The following KPNA6 variants were observed in gnomAD, a reference collection of about 807,000 sequenced individuals.
KPNA6 encodes the protein importin subunit alpha-7.
Under a neutral mutation model 72.0 loss-of-function variants are expected in KPNA6, and 9 were observed. The ratio of observed to expected loss-of-function variants is 0.13; its 90% CI spans 0.08 to 0.22. KPNA6 has a LOEUF of 0.22. Among genes scored for constraint, KPNA6 ranks in the 10% least tolerant of loss-of-function variants. The pLI, the probability that KPNA6 is intolerant of heterozygous loss-of-function variation, is 1.00. For missense variants in KPNA6, 374 were observed against 655.7 expected, an observed-to-expected ratio of 0.57 and a Z score of 4.69; for synonymous variants, 219 against 242.1, an observed-to-expected ratio of 0.90 and a Z score of 0.89.
chr1:32,116,539 TTCTAGC>T (rs1338515222), intron 1 of KPNA6, among the ~76,000 whole-genome samples: 1 of 152,094 alleles, frequency 6.6e-6, no homozygotes, highest in Non-Finnish European at 1.5e-5. Context: ...ATGCCTGCAA[TTCTAGC>T]TATTTGGGAG....
rs772078065 is a variant in KPNA6, at chr1:32,160,722, CTG to C, written c.647+21_647+22del. On this transcript the variant is annotated intron_variant, in intron 7 of 13. Coordinates refer to ENST00000373625, the MANE Select transcript of KPNA6 (RefSeq NM_012316.5). ...TGTTAACGTGAGTAATTATAATCAT[CTG>C]TACCTGGGCGTCTACTGGGTGGCCA... 8 of 1,596,420 alleles carry C rather than the reference CTG, an allele frequency of 5.0e-6. No homozygotes were observed. The highest frequency in any genetic ancestry group is 6.9e-6 in the Non-Finnish European group (8 of 1,163,892).
chr1:32,115,679 C>T (rs1293971897), intron 1 of KPNA6, among the ~76,000 whole-genome samples: 1 of 152,178 alleles, frequency 6.6e-6, no homozygotes, highest in Non-Finnish European at 1.5e-5. Context: ...TATTCCTCAG[C>T]CTCCAAAGCC....
rs949378926 is a variant in KPNA6 at position 32,172,877 on chromosome 1, A to T, written c.*1983A>T. The T allele has an allele frequency of 1.0e-5, 4 of 390,158 alleles. No individual in the cohort carries two copies. Among genetic ancestry groups the T allele is most frequent in the African/African-American group, 8.3e-5 (4 of 48,368 alleles). 24.2% of individuals were successfully genotyped at this position (390,158 alleles called of 1,614,324 possible). ...TCTCCTTCTGGCTCAGGTGAAATCC[A>T]TGCCCTTCTGCTTATAGACCTAAAG... On this transcript the variant is annotated 3_prime_UTR_variant, in exon 14 of 14. Coordinates refer to ENST00000373625, the MANE Select transcript of KPNA6 (RefSeq NM_012316.5).
At chr1:32,153,618 CAA>C (rs1642080426) in intron 1 of KPNA6, among the ~76,000 whole-genome samples, 1 of 135,934 alleles carries the variant, frequency 7.4e-6, no homozygotes, top group Admixed American at 7.2e-5. Flanking sequence ...AATACAGAAA[CAA>C]ACATTTTTCA....
chr1:32,115,723 C>T (rs888516600), intron 1 of KPNA6, among the ~76,000 whole-genome samples: 17 of 151,936 alleles, frequency 1.1e-4, no homozygotes, highest in Non-Finnish European at 1.9e-4. Flanking sequence ...CTGAGTTTGG[C>T]CTCCACATTG....
At chr1:32,140,775 G>A (rs754390640) in intron 1 of KPNA6, among the ~76,000 whole-genome samples, 18 of 152,110 alleles carry the variant, frequency 1.2e-4, no homozygotes, top group Non-Finnish European at 2.6e-4. Context: ...TTTTTAGCTG[G>A]CAGAGTTACA....
At chr1:32,137,758 A>C (rs1337692709) in intron 1 of KPNA6, among the ~76,000 whole-genome samples, 1 of 152,170 alleles carries the variant, frequency 6.6e-6, no homozygotes, top group Non-Finnish European at 1.5e-5. Context: ...AGTAACAGAT[A>C]AAAATCAGTT....
chr1:32,158,107 A>G (rs910473727), intron 4 of KPNA6, among the ~76,000 whole-genome samples, 160 bp from the exon 5 acceptor site: 1 of 152,222 alleles, frequency 6.6e-6, no homozygotes, highest in Non-Finnish European at 1.5e-5. Context: ...TATACAGTTC[A>G]AAGACGAGTA....
At chr1:32,129,060 C>T (rs1641590041) in intron 1 of KPNA6, among the ~76,000 whole-genome samples, 1 of 152,086 alleles carries the variant, frequency 6.6e-6, no homozygotes, top group Non-Finnish European at 1.5e-5. Context: ...TCCAATGTGC[C>T]TGTTGGTGGT....
intron 1 of KPNA6, among the ~76,000 whole-genome samples, chr1:32,133,859 G>A (rs1275664904): frequency 6.6e-6 from 1 of 151,834 alleles, no homozygotes; most frequent in East Asian, 1.9e-4. Context: ...GGCAAACGTG[G>A]TGAAACCCCG....
At position 32,169,983 on chromosome 1, in the gene KPNA6, T is replaced by C; in HGVS notation, c.1346T>C (p.Leu449Pro). ...GCCCTCAATGGACTGGAGAACATCC[T>C]GCGGCTTGGAGAGCAAGAGGGCAAG... ...QVALNGLENI[L>P]RLGEQEGKRS... The change falls in exon 13 of 14, where the codon CTG becomes CCG. Residue 449 changes from leucine (L) to proline (P), a missense_variant. Transcript: ENST00000373625. The C allele has an allele frequency of 6.2e-7, 1 of 1,614,120 alleles. No homozygotes were observed. Among genetic ancestry groups the C allele is most frequent in the Non-Finnish European group, 8.5e-7 (1 of 1,180,014 alleles).
chr1:32,159,725 C>T (rs1334463187), intron 6 of KPNA6, among the ~76,000 whole-genome samples, 194 bp downstream of exon 6: 3 of 152,088 alleles, frequency 2.0e-5, no homozygotes, highest in Admixed American at 6.5e-5. Context: ...GACTAACCTG[C>T]GGACTCTGCA....
At chr1:32,131,906 A>G (rs2124535876) in intron 1 of KPNA6, among the ~76,000 whole-genome samples, 1 of 151,678 alleles carries the variant, frequency 6.6e-6, no homozygotes, top group South Asian at 2.1e-4. Context: ...ACAAATGAGG[A>G]TACATTTTCA....
intron 1 of KPNA6, among the ~76,000 whole-genome samples, chr1:32,116,051 C>CGG (rs1172192295): frequency 2.6e-5 from 4 of 152,234 alleles, no homozygotes; most frequent in Admixed American, 2.0e-4. Context: ...GCTCCTTAAA[C>CGG]CTTATGAACC....
At chr1:32,128,400 T>C (rs928021775) in intron 1 of KPNA6, among the ~76,000 whole-genome samples, 7 of 118,488 alleles carry the variant, frequency 5.9e-5, no homozygotes, top group South Asian at 2.6e-4. Flanking sequence ...TATATATATA[T>C]ATATATATAT....
chr1:32,171,112 AAGGGG>A lies in KPNA6; in HGVS notation c.*220_*224del. The A allele has an allele frequency of 1.8e-6, 1 of 554,458 alleles. No individual in the cohort carries two copies. The allele number at this position is 554,458 out of a possible 1,614,324, so 34.3% of individuals were successfully genotyped here. A position where few individuals can be genotyped will look rare whatever the true frequency, so the allele number is the denominator to read the frequency against. ...GCTCACCTTTGGGTTTTGTGACAAGAAGGGGACGTGTTGGGTTTTTCTTCCTTACA... is the reference window on the plus strand; with the variant it reads ...GCTCACCTTTGGGTTTTGTGACAAGAACGTGTTGGGTTTTTCTTCCTTACA... On this transcript the variant is annotated 3_prime_UTR_variant, in exon 14 of 14. Transcript: ENST00000373625.
In KPNA6 at chr1:32,136,122, A is replaced by G. The variant is rs138745022; in HGVS notation, c.5-18466A>G. ...CTTACAGGGACTAATATGTTTTTCA[A>G]AAATTAAACAAACATTAAACAGTTG... On this transcript the variant is annotated intron_variant, in intron 1 of 13. Coordinates refer to ENST00000373625, the MANE Select transcript of KPNA6 (RefSeq NM_012316.5). Among the ~76,000 whole-genome samples, 4 of 152,228 alleles carry G rather than the reference A, an allele frequency of 2.6e-5. No individual in the cohort carries two copies. The East Asian group carries it at 7.7e-4, about 29-fold the overall frequency.
intron 1 of KPNA6, among the ~76,000 whole-genome samples, chr1:32,141,012 C>G (rs2124012623): frequency 6.6e-6 from 1 of 152,114 alleles, no homozygotes; most frequent in East Asian, 1.9e-4. Context: ...CCATCACATC[C>G]CAGCATCATG....
chr1:32,140,579 A>G (rs1641819438), intron 1 of KPNA6, among the ~76,000 whole-genome samples: 1 of 152,338 alleles, frequency 6.6e-6, no homozygotes, highest in South Asian at 2.1e-4. Context: ...TAGATATTGT[A>G]CTATATCAAA....
Sources: allele counts gnomAD v4.1 joint callset (sites outside exome capture counted in the v4.1 genomes callset), GRCh38; gene constraint gnomAD v4.1.1; transcripts MANE v1.5; gene names NCBI Gene and HGNC (gene_info 2026-07-23, HGNC 2026-07-21).